SEC22A: variants seen among roughly 807,000 people sequenced by gnomAD.
SEC22A encodes the protein SEC22 homolog A, vesicle trafficking protein, also known as vesicle-trafficking protein SEC22a.
In SEC22A, 22 loss-of-function variants were observed where a neutral mutation model predicts 35.3. That is an observed-to-expected ratio of 0.62 (90% CI 0.45 to 0.89). The LOEUF is 0.89. Ranked by LOEUF, SEC22A falls within the 40% of genes least tolerant of loss-of-function variation. The probability of loss-of-function intolerance (pLI) is 0.00; values close to 1 mark genes in which losing one functional copy is unlikely to be tolerated. For synonymous variants in SEC22A, 119 were observed against 129.5 expected, an observed-to-expected ratio of 0.92 and a Z score of 0.55; for missense variants, 354 against 362.5, an observed-to-expected ratio of 0.98 and a Z score of 0.19.
At chr3:123,236,383 C>T (rs1428629191) in intron 4 of SEC22A, among the ~76,000 whole-genome samples, 1 of 152,062 alleles carries the variant, frequency 6.6e-6, no homozygotes, top group Non-Finnish European at 1.5e-5. Flanking sequence ...ATTTAATCAA[C>T]TATAATCTTC....
chr3:123,217,203 A>T (rs952172588), intron 2 of SEC22A, among the ~76,000 whole-genome samples: 4 of 144,870 alleles, frequency 2.8e-5, no homozygotes, highest in Non-Finnish European at 4.6e-5. Context: ...ATTCCAAAAC[A>T]TTTTTTTTTT....
intron 6 of SEC22A, among the ~76,000 whole-genome samples, chr3:123,264,881 A>G (rs1159086644): frequency 1.3e-5 from 2 of 152,044 alleles, no homozygotes. Flanking sequence ...TCCTGATCTC[A>G]GGTGATCCAC....
intron 4 of SEC22A, among the ~76,000 whole-genome samples, chr3:123,234,815 G>A (rs904714323): frequency 5.9e-5 from 9 of 152,166 alleles, no homozygotes; most frequent in Non-Finnish European, 1.3e-4. Flanking sequence ...TTGGTCCCAT[G>A]AGTTCGAGAC....
intron 2 of SEC22A, among the ~76,000 whole-genome samples, chr3:123,216,714 G>A (rs1417267237): frequency 2.0e-5 from 3 of 152,150 alleles, no homozygotes; most frequent in Non-Finnish European, 4.4e-5. Flanking sequence ...TCTCCTTACT[G>A]TTCCACTAGT....
At chr3:123,240,068 T>C (rs1937501271) in intron 4 of SEC22A, among the ~76,000 whole-genome samples, 1 of 152,044 alleles carries the variant, frequency 6.6e-6, no homozygotes, top group Non-Finnish European at 1.5e-5. Context: ...GTAGAGGAGT[T>C]GGTTGGTAGT....
chr3:123,203,053 C>CTTTTTTTTTTTTTTTTTT lies in SEC22A; in HGVS notation c.-20+1084_-20+1101dup, dbSNP rs779433710. ...GAAAACCATCACATCTGTTTAGTGC[C>CTTTTTTTTTTTTTTTTTT]TTTTTTTTTTTTTTTTTTTTTTTTT... On this transcript the variant is annotated intron_variant, in intron 1 of 6. Transcript: ENST00000492595. Among the ~76,000 whole-genome samples the CTTTTTTTTTTTTTTTTTT allele has an allele frequency of 6.8e-5, 3 of 43,822 alleles. 1 individual carries two copies. The highest frequency in any genetic ancestry group is 2.1e-4 in the African/African-American group (2 of 9,416). The allele number at this position is 43,822 out of a possible 152,430, so 28.7% of individuals were successfully genotyped here.
intron 5 of SEC22A, among the ~76,000 whole-genome samples, chr3:123,253,637 G>GGGA (rs1937647091): frequency 6.6e-6 from 1 of 151,738 alleles, no homozygotes; most frequent in Non-Finnish European, 1.5e-5. Flanking sequence ...GCTTGAACCT[G>GGGA]GGAGGCGGAG....
chr3:123,207,668 G>T (rs1474989464), intron 1 of SEC22A, among the ~76,000 whole-genome samples: 1 of 152,206 alleles, frequency 6.6e-6, no homozygotes, highest in Non-Finnish European at 1.5e-5. Flanking sequence ...TGAGGGCAGA[G>T]CTCAGAAATC....
At chr3:123,204,001 G>T (rs1441055247) in intron 1 of SEC22A, among the ~76,000 whole-genome samples, 1 of 152,134 alleles carries the variant, frequency 6.6e-6, no homozygotes, top group Admixed American at 6.6e-5. Context: ...CAAAATGGCG[G>T]AAATTCCATC....
At chr3:123,234,829 C>T (rs1055986437) in intron 4 of SEC22A, among the ~76,000 whole-genome samples, 1 of 151,996 alleles carries the variant, frequency 6.6e-6, no homozygotes, top group Non-Finnish European at 1.5e-5. Flanking sequence ...TCGAGACCAG[C>T]CTGGGCAACA....
At chr3:123,220,678 T>G (rs796686889) in intron 2 of SEC22A, among the ~76,000 whole-genome samples, 60 of 152,010 alleles carry the variant, frequency 3.9e-4, no homozygotes, top group African/African-American at 1.3e-3. Context: ...GGTTTACAAC[T>G]TGCACTTTGA....
In SEC22A at chr3:123,273,065, C is replaced by G. The variant is rs919942365; in HGVS notation, c.*1343C>G. 1 of 153,440 alleles carries G rather than the reference C, an allele frequency of 6.5e-6. No individual in the cohort carries two copies. Among genetic ancestry groups the G allele is most frequent in the African/African-American group, 2.4e-5 (1 of 41,420 alleles). The allele number at this position is 153,440 out of a possible 1,614,324, so 9.5% of individuals were successfully genotyped here. A position where few individuals can be genotyped will look rare whatever the true frequency, so the allele number is the denominator to read the frequency against. On this transcript the variant is annotated 3_prime_UTR_variant, in exon 7 of 7. Coordinates refer to ENST00000492595, the MANE Select transcript of SEC22A (RefSeq NM_012430.5). The stretch of plus-strand genomic sequence containing the variant: ...GGAAGTCATCTTCATGGGTGATTTT[C>G]CTTTGTTTTTTAAAGAAAATATTTC...
At chr3:123,258,387 C>A (rs544547943) in intron 5 of SEC22A, among the ~76,000 whole-genome samples, 7 of 151,504 alleles carry the variant, frequency 4.6e-5, no homozygotes, top group Non-Finnish European at 1.0e-4. Flanking sequence ...TGAACATGAA[C>A]TTTTATAATC....
At chr3:123,211,956 C>A (rs1936945035) in intron 2 of SEC22A, among the ~76,000 whole-genome samples, 1 of 152,140 alleles carries the variant, frequency 6.6e-6, no homozygotes, top group South Asian at 2.1e-4. Flanking sequence ...ACTGTGGCGA[C>A]ATACGTGGGA....
At chr3:123,233,244 A>G (rs546392702) in intron 4 of SEC22A, among the ~76,000 whole-genome samples, 38 of 152,320 alleles carry the variant, frequency 2.5e-4, no homozygotes, top group African/African-American at 8.4e-4. Flanking sequence ...CACCTTTTCT[A>G]TGTTTAGATA....
In SEC22A at chr3:123,261,760, C is replaced by T. The variant is rs530469561; in HGVS notation, c.723+2171C>T. ...CAAAAAGGAGGATATACCATTATAT[C>T]GTCCTCACTGAGGTATAGACAGTTC... is the stretch of plus-strand genomic sequence containing the variant. On this transcript the variant is annotated intron_variant, in intron 6 of 6. Transcript: ENST00000492595. Among the ~76,000 whole-genome samples the T allele has an allele frequency of 5.4e-4, 82 of 152,250 alleles. 1 individual carries two copies. In the South Asian group the frequency reaches 6.0e-3, roughly 11 times the overall value.
chr3:123,239,174 G>C (rs1021278140), intron 4 of SEC22A, among the ~76,000 whole-genome samples: 3 of 152,256 alleles, frequency 2.0e-5, no homozygotes, highest in African/African-American at 4.8e-5. Flanking sequence ...GACTGTCATA[G>C]AAAAGATAGT....
chr3:123,259,692 TCTTTG>T lies in SEC22A; in HGVS notation c.723+107_723+111del, dbSNP rs1937833256. 5.0e-6 allele frequency: 4 copies of T among 792,984 alleles called. No individual in the cohort carries two copies. The Admixed American group carries it at 7.9e-5, about 16-fold the overall frequency. 49.1% of individuals were successfully genotyped at this position (792,984 alleles called of 1,614,324 possible). ...TAAATAAATTATTAAAACTCTGAGT[TCTTTG>T]CTTCTCTTTTAATTTGAGCCTCTTT... On this transcript the variant is annotated intron_variant, in intron 6 of 6. Transcript: ENST00000492595.
At chr3:123,221,122 TATTCGAGAAAGAAA>T (rs201852572) in intron 2 of SEC22A, among the ~76,000 whole-genome samples, 3,189 of 151,770 alleles carry the variant, frequency 0.021, 109 homozygotes, top group African/African-American at 0.074. Context: ...GCTTCTATGT[TATTCGAGAAAGAAA>T]ATAGTAAGGT....
Sources: gnomAD v4.1 joint callset for allele counts (sites outside exome capture counted in the v4.1 genomes callset) on GRCh38, gnomAD v4.1.1 for gene constraint, MANE v1.5 for transcripts, NCBI Gene and HGNC (gene_info 2026-07-23, HGNC 2026-07-21) for gene names.